Variants in FBXL17 observed in about 807,000 individuals in gnomAD.
The protein encoded by FBXL17 is F-box/LRR-repeat protein 17.
FBXL17 carries 22 observed loss-of-function variants against 66.2 expected under a neutral mutation model. The ratio of observed to expected loss-of-function variants is 0.33; its 90% CI spans 0.24 to 0.47. The LOEUF (loss-of-function observed/expected upper bound fraction) is 0.47, where lower values mean the gene tolerates loss of function less well. FBXL17 is among the 20% of genes least tolerant of loss of function. The pLI is 1.00. For synonymous variants in FBXL17, 474 were observed against 400.5 expected, an observed-to-expected ratio of 1.18 and a Z score of -2.19; for missense variants, 878 against 948.2, an observed-to-expected ratio of 0.93 and a Z score of 0.97.
At chr5:108,328,012 T>C (rs1759937729) in intron 4 of FBXL17, among the ~76,000 whole-genome samples, 1 of 152,164 alleles carries the variant, frequency 6.6e-6, no homozygotes, top group Non-Finnish European at 1.5e-5. Flanking sequence ...AGAAGGAACC[T>C]GCAATTTGTA....
intron 7 of FBXL17, among the ~76,000 whole-genome samples, chr5:107,922,037 G>C (rs552581364): frequency 1.4e-4 from 22 of 152,302 alleles, no homozygotes; most frequent in African/African-American, 5.1e-4. Context: ...GCGATGTTGG[G>C]AAAGACAGAG....
intron 7 of FBXL17, among the ~76,000 whole-genome samples, chr5:107,884,313 G>A (rs948765269): frequency 1.3e-5 from 2 of 152,176 alleles, no homozygotes; most frequent in South Asian, 4.1e-4. Context: ...CAGCTCTGCA[G>A]AACAATAACC....
chr5:108,292,866 G>A (rs1352393383), intron 4 of FBXL17, among the ~76,000 whole-genome samples: 3 of 152,136 alleles, frequency 2.0e-5, no homozygotes, highest in Non-Finnish European at 4.4e-5. Context: ...TTGGGAGGAC[G>A]AGGCGGGTGG....
chr5:108,319,440 T>C (rs1759517368), intron 4 of FBXL17, among the ~76,000 whole-genome samples: 2 of 151,874 alleles, frequency 1.3e-5, no homozygotes, highest in South Asian at 4.1e-4. Flanking sequence ...ATTTTAACTA[T>C]GCACTGTAAT....
At chr5:108,019,177 T>A (rs1241972847) in intron 7 of FBXL17, among the ~76,000 whole-genome samples, 3 of 152,138 alleles carry the variant, frequency 2.0e-5, no homozygotes, top group Non-Finnish European at 2.9e-5. Context: ...TACAGAAGCA[T>A]GAAGTCAGAC....
chr5:107,936,729 C>G (rs1023401952), intron 7 of FBXL17, among the ~76,000 whole-genome samples: 1 of 152,038 alleles, frequency 6.6e-6, no homozygotes, highest in African/African-American at 2.4e-5. Flanking sequence ...ATCAGAGCCT[C>G]CATTCCTGTT....
At chr5:108,126,649 C>CATATATATA (rs1561423036) in intron 6 of FBXL17, among the ~76,000 whole-genome samples, 12 of 79,772 alleles carry the variant, frequency 1.5e-4, no homozygotes, top group African/African-American at 4.9e-4. Context: ...CTCTCTCTCT[C>CATATATATA]TCTATATATA....
chr5:108,169,260 A>C (rs1032632592), intron 6 of FBXL17, among the ~76,000 whole-genome samples: 2 of 152,220 alleles, frequency 1.3e-5, no homozygotes, highest in Non-Finnish European at 2.9e-5. Context: ...AGAAGATAGA[A>C]ATCTATTTAA....
intron 7 of FBXL17, among the ~76,000 whole-genome samples, chr5:108,004,486 A>G (rs1753852226): frequency 1.3e-5 from 2 of 152,200 alleles, no homozygotes; most frequent in Non-Finnish European, 2.9e-5. Context: ...GAAAATACTC[A>G]TATTTTCTAC....
intron 7 of FBXL17, among the ~76,000 whole-genome samples, chr5:107,972,130 C>T (rs148314111): frequency 6.6e-6 from 1 of 152,258 alleles, no homozygotes; most frequent in East Asian, 1.9e-4. Context: ...TCACTCATAG[C>T]CCTGTGCACA....
At chr5:108,004,859 T>C (rs989528014) in intron 7 of FBXL17, among the ~76,000 whole-genome samples, 2 of 152,218 alleles carry the variant, frequency 1.3e-5, no homozygotes, top group Admixed American at 1.3e-4. Context: ...TATAATACAT[T>C]CTTGCAATAT....
intron 8 of FBXL17, chr5:107,879,314 G>A: frequency 1.0e-6 from 1 of 985,434 alleles, no homozygotes; most frequent in Non-Finnish European, 1.2e-6. Flanking sequence ...GAGGAGTTCT[G>A]CTGTCATTGA....
At chr5:108,165,947 T>C (rs959108186) in intron 6 of FBXL17, among the ~76,000 whole-genome samples, 3 of 152,162 alleles carry the variant, frequency 2.0e-5, no homozygotes, top group African/African-American at 7.2e-5. Flanking sequence ...TTATTGAAAA[T>C]ATGATTATTC....
intron 6 of FBXL17, among the ~76,000 whole-genome samples, chr5:108,063,230 C>G (rs1406421469): frequency 6.6e-6 from 1 of 152,118 alleles, no homozygotes; most frequent in Non-Finnish European, 1.5e-5. Flanking sequence ...CTCAGAGATT[C>G]AGCATTTGTC....
rs543609958 is a variant in FBXL17, at chr5:108,164,404, T to C, written c.1745+21713A>G. Among the ~76,000 whole-genome samples the C allele has an allele frequency of 7.0e-4, 106 of 152,302 alleles. 2 individuals carry two copies. Among genetic ancestry groups the C allele is most frequent in the African/African-American group, 2.5e-3 (102 of 41,566 alleles). On this transcript the variant is annotated intron_variant, in intron 6 of 8. Transcript: ENST00000542267. The stretch of plus-strand genomic sequence containing the variant: ...ACTCATTTGGTAATTAACGATGTCT[T>C]AGTCCAAGCCTCTTCTTAGGCTGTA...
At chr5:108,109,159 G>A (rs570630774) in intron 6 of FBXL17, among the ~76,000 whole-genome samples, 1 of 152,172 alleles carries the variant, frequency 6.6e-6, no homozygotes, top group African/African-American at 2.4e-5. Context: ...TTTACAAAAG[G>A]AAGGACAAAG....
intron 5 of FBXL17, among the ~76,000 whole-genome samples, chr5:108,219,543 C>T (rs2966807): frequency 0.37 from 56,466 of 151,552 alleles, 10,853 homozygotes; most frequent in East Asian, 0.63. Flanking sequence ...AAAAATTAGC[C>T]GGGCGTGGTG....
At chr5:108,375,636 A>C (rs1037616419) in intron 1 of FBXL17, among the ~76,000 whole-genome samples, 3 of 152,206 alleles carry the variant, frequency 2.0e-5, no homozygotes, top group Non-Finnish European at 4.4e-5. Flanking sequence ...TATGTAATAA[A>C]AAACAAAAAA....
At chr5:107,894,481 A>G (rs1365004254) in intron 7 of FBXL17, among the ~76,000 whole-genome samples, 1 of 152,108 alleles carries the variant, frequency 6.6e-6, no homozygotes, top group Non-Finnish European at 1.5e-5. Flanking sequence ...ACAAACCCTC[A>G]ATTTTCCTTT....
Sources: gnomAD v4.1 joint callset for allele counts (sites outside exome capture counted in the v4.1 genomes callset) on GRCh38, gnomAD v4.1.1 for gene constraint, MANE v1.5 for transcripts, NCBI Gene and HGNC (gene_info 2026-07-23, HGNC 2026-07-21) for gene names.